Variants in ARHGAP12 observed in about 807,000 individuals in gnomAD.
ARHGAP12 encodes the protein rho GTPase-activating protein 12.
A neutral mutation model predicts 108.6 loss-of-function variants in ARHGAP12; 64 were observed. That is an observed-to-expected ratio of 0.59 (90% CI 0.48 to 0.73). ARHGAP12 has a LOEUF of 0.73. Ranked by LOEUF, ARHGAP12 falls within the 30% of genes least tolerant of loss-of-function variation. The pLI, the probability that ARHGAP12 is intolerant of heterozygous loss-of-function variation, is 0.00. For synonymous variants in ARHGAP12, 312 were observed against 337.2 expected (o/e 0.93, Z 0.82); for missense variants, 940 against 1,005.9 (o/e 0.93, Z 0.89).
intron 3 of ARHGAP12, among the ~76,000 whole-genome samples, chr10:31,882,478 G>C (rs1456532314): frequency 6.6e-6 from 1 of 152,098 alleles, no homozygotes; most frequent in Non-Finnish European, 1.5e-5. Context: ...CTTTGCTAAT[G>C]CTGGAGAGTG....
chr10:31,812,559 T>C, intron 15 of ARHGAP12, 148 bp downstream of exon 15: 1 of 494,830 alleles, frequency 2.0e-6, no homozygotes, highest in Non-Finnish European at 3.5e-6. Flanking sequence ...ACTATTTTAA[T>C]TACTTAATGT....
At chr10:31,871,067 T>C (rs2799029) in intron 3 of ARHGAP12, among the ~76,000 whole-genome samples, 114,535 of 152,064 alleles carry the variant, frequency 0.75, 43,727 homozygotes, top group African/African-American at 0.87. Flanking sequence ...ACAGAAAAAC[T>C]CAGCACTAAA....
At chr10:31,878,445 T>TA (rs1317653676) in intron 3 of ARHGAP12, among the ~76,000 whole-genome samples, 1 of 152,242 alleles carries the variant, frequency 6.6e-6, no homozygotes, top group African/African-American at 2.4e-5. Context: ...AGAAATCACA[T>TA]AATAGACACT....
At chr10:31,915,693 CATA>C (rs1295043600) in intron 1 of ARHGAP12, among the ~76,000 whole-genome samples, 1 of 151,754 alleles carries the variant, frequency 6.6e-6, no homozygotes, top group Non-Finnish European at 1.5e-5. Flanking sequence ...CTATATTGTA[CATA>C]ATAAAAAACA....
At chr10:31,883,085 C>T (rs186619170) in intron 3 of ARHGAP12, among the ~76,000 whole-genome samples, 41 of 152,118 alleles carry the variant, frequency 2.7e-4, no homozygotes, top group African/African-American at 9.2e-4. Flanking sequence ...TATCTGAGGT[C>T]GGGAGTTTGA....
At chr10:31,860,319 A>C (rs142872026) in intron 4 of ARHGAP12, among the ~76,000 whole-genome samples, 5 of 152,212 alleles carry the variant, frequency 3.3e-5, no homozygotes, top group Non-Finnish European at 5.9e-5. Context: ...GCTGCTTTCT[A>C]TAACAGCCGG....
chr10:31,811,828 C>G (rs1835034213), intron 15 of ARHGAP12, among the ~76,000 whole-genome samples: 2 of 151,944 alleles, frequency 1.3e-5, no homozygotes, highest in South Asian at 4.2e-4. Context: ...GCCACCACAC[C>G]CAACTAATTC....
intron 3 of ARHGAP12, among the ~76,000 whole-genome samples, chr10:31,904,445 G>A (rs1437978982): frequency 6.6e-6 from 1 of 152,148 alleles, no homozygotes; most frequent in Admixed American, 6.5e-5. Flanking sequence ...GTTAAGGAGG[G>A]TTAAGATGGG....
intron 3 of ARHGAP12, among the ~76,000 whole-genome samples, chr10:31,865,229 A>G (rs1211897610): frequency 9.9e-5 from 15 of 152,206 alleles, no homozygotes; most frequent in Admixed American, 9.8e-4. Context: ...TTAAAATATT[A>G]CAGATTTTAG....
intron 3 of ARHGAP12, among the ~76,000 whole-genome samples, chr10:31,884,240 C>T (rs2799031): frequency 0.52 from 79,044 of 150,896 alleles, 21,001 homozygotes; most frequent in African/African-American, 0.61. Flanking sequence ...CTAAAAAATT[C>T]TTAAATTATG....
At chr10:31,833,439 A>G (rs1021510057) in intron 9 of ARHGAP12, among the ~76,000 whole-genome samples, 1 of 152,136 alleles carries the variant, frequency 6.6e-6, no homozygotes, top group African/African-American at 2.4e-5. Context: ...TAAGGATGAG[A>G]GGGAGAGTCT....
rs74127855 is a variant in ARHGAP12 at position 31,854,593 on chromosome 10, G to A, written c.949-387C>T. ...GGGAGGAGACGAGGGAACTTCATTA[G>A]ACTGAGCTCCTTCTCATGTACCACA... On this transcript the variant is annotated intron_variant, in intron 4 of 19. Transcript: ENST00000344936. 3.4e-3 allele frequency among the ~76,000 whole-genome samples: 525 copies of A among 152,276 alleles called. 2 individuals are homozygous for A. The highest frequency in any genetic ancestry group is 0.012 in the African/African-American group (513 of 41,534).
chr10:31,823,570 G>A (rs1019225663), intron 11 of ARHGAP12, among the ~76,000 whole-genome samples: 1 of 151,950 alleles, frequency 6.6e-6, no homozygotes, highest in Non-Finnish European at 1.5e-5. Flanking sequence ...CCATTCATGA[G>A]TACCTGCCCT....
rs1315623892 is a variant in ARHGAP12, at chr10:31,835,214, AAAAG to A, written c.1387-3418_1387-3415del. 6.7e-3 allele frequency among the ~76,000 whole-genome samples: 1,011 copies of A among 150,496 alleles called. 9 individuals are homozygous for A. The highest frequency in any genetic ancestry group is 0.024 in the African/African-American group (971 of 41,116). On this transcript the variant is annotated intron_variant, in intron 9 of 19. Transcript: ENST00000344936. ...CTCCGTCTCAAAAGAAAAAAAAAAAAAAAGAAAAAAATTTAAACAGATTTTTATT... is the reference window on the plus strand; with the variant it reads ...CTCCGTCTCAAAAGAAAAAAAAAAAAAAAAAAATTTAAACAGATTTTTATT...
chr10:31,836,386 AAATAT>A (rs149937231), intron 9 of ARHGAP12, among the ~76,000 whole-genome samples: 2,139 of 152,300 alleles, frequency 0.014, 52 homozygotes, highest in African/African-American at 0.049. Context: ...AATTGTAGAC[AAATAT>A]ATTATTGACT....
At position 31,854,198 on chromosome 10, in the gene ARHGAP12, T is replaced by G. The variant is rs764019439; in HGVS notation, c.957A>C (p.Ser319=). 3 of 1,604,262 alleles carry G rather than the reference T, an allele frequency of 1.9e-6. No homozygotes were observed. In the African/African-American group the frequency reaches 4.0e-5, roughly 22 times the overall value. The change falls in exon 5 of 20, where the codon TCA becomes TCC. Residue 319 remains serine, a synonymous_variant. Coordinates refer to ENST00000344936, the MANE Select transcript of ARHGAP12 (RefSeq NM_018287.7). ...AAGTGCTGTAGTAGTTTTCTTCCGA[T>G]GAAAGAAGCTACAAATAGTCAGAAA... is the stretch of plus-strand genomic sequence containing the variant. The part of the protein sequence containing the change: ...FQNPGDQELL[S]SEENYYSTSY...
chr10:31,848,054 C>G (rs1227052865), intron 6 of ARHGAP12, among the ~76,000 whole-genome samples: 2 of 152,168 alleles, frequency 1.3e-5, no homozygotes, highest in Non-Finnish European at 2.9e-5. Context: ...AGCCTGGGCA[C>G]ATTCTTCTCG....
At chr10:31,855,956 G>A (rs1836871199) in intron 4 of ARHGAP12, among the ~76,000 whole-genome samples, 1 of 152,044 alleles carries the variant, frequency 6.6e-6, no homozygotes, top group African/African-American at 2.4e-5. Flanking sequence ...TTAAAGTTAA[G>A]ATTATTTTTG....
rs968512881 is a variant in ARHGAP12, at chr10:31,901,169, T to C, written c.684+7003A>G. 4.7e-5 allele frequency among the ~76,000 whole-genome samples: 7 copies of C among 150,310 alleles called. No individual in the cohort carries two copies. In the East Asian group the frequency reaches 5.9e-4, roughly 13 times the overall value. The stretch of plus-strand genomic sequence containing the variant: ...AGGCAGAGACTACAGTGAGCCAAGA[T>C]TGCGCCACTGCACTCCACTCTGGGT... On this transcript the variant is annotated intron_variant, in intron 3 of 19. Transcript: ENST00000344936.
Sources: gnomAD v4.1 joint callset for allele counts (sites outside exome capture counted in the v4.1 genomes callset) on GRCh38, gnomAD v4.1.1 for gene constraint, MANE v1.5 for transcripts, NCBI Gene and HGNC (gene_info 2026-07-23, HGNC 2026-07-21) for gene names.